PVT1: variants seen among roughly 807,000 people sequenced by gnomAD.
PVT1 encodes CXCR4/PVT1 fusion.
At chr8:127,855,128 C>T (rs1815147168) in intron 2 of PVT1, 2 of 398,594 alleles carry the variant, frequency 5.0e-6, no homozygotes, top group African/African-American at 4.1e-5. Flanking sequence ...CTCTTTCTCC[C>T]ACGTGGCTGC....
At chr8:127,828,158 C>T (rs1339046846) in intron 2 of PVT1, among the ~76,000 whole-genome samples, 1 of 152,178 alleles carries the variant, frequency 6.6e-6, no homozygotes, top group Non-Finnish European at 1.5e-5. Flanking sequence ...TGGCAGGTTA[C>T]ACCTGGGTAC....
At chr8:127,862,233 C>A (rs1191568609) in intron 2 of PVT1, among the ~76,000 whole-genome samples, 1 of 152,086 alleles carries the variant, frequency 6.6e-6, no homozygotes, top group African/African-American at 2.4e-5. Context: ...CATGGTGAAA[C>A]CCCATCTTTA....
chr8:127,883,327 T>C (rs1432246502), intron 2 of PVT1, among the ~76,000 whole-genome samples: 1 of 152,108 alleles, frequency 6.6e-6, no homozygotes, highest in Non-Finnish European at 1.5e-5. Flanking sequence ...GCCCGTCCTA[T>C]ATTGAGGGGG....
chr8:127,856,206 G>C (rs537081348), intron 2 of PVT1, among the ~76,000 whole-genome samples: 39 of 152,252 alleles, frequency 2.6e-4, no homozygotes, highest in African/African-American at 9.4e-4. Flanking sequence ...GGAGAGCTTT[G>C]ATGGGGCATG....
At chr8:127,818,811 G>C (rs115408291) in intron 2 of PVT1, among the ~76,000 whole-genome samples, 1 of 152,122 alleles carries the variant, frequency 6.6e-6, no homozygotes, top group South Asian at 2.1e-4. Flanking sequence ...GTAGAATGAC[G>C]TGCATGTAGA....
At chr8:127,982,239 C>A (rs1056295784) in intron 3 of PVT1, among the ~76,000 whole-genome samples, 5 of 152,144 alleles carry the variant, frequency 3.3e-5, no homozygotes, top group African/African-American at 1.2e-4. Flanking sequence ...GCTTTCCTAC[C>A]TTGTTTTAAC....
chr8:127,849,887 GCC>G (rs1333675379), intron 2 of PVT1, among the ~76,000 whole-genome samples: 7 of 140,922 alleles, frequency 5.0e-5, no homozygotes, highest in Admixed American at 7.1e-5. Context: ...TGGGTGCACA[GCC>G]TGTACATATG....
chr8:127,930,311 C>T (rs989065785), intron 3 of PVT1, among the ~76,000 whole-genome samples: 2 of 152,146 alleles, frequency 1.3e-5, no homozygotes, highest in Non-Finnish European at 1.5e-5. Flanking sequence ...CATGCGCCAC[C>T]AGGTCTGGCT....
intron 2 of PVT1, among the ~76,000 whole-genome samples, chr8:127,889,490 T>G (rs1815573408): frequency 1.3e-5 from 2 of 151,656 alleles, no homozygotes; most frequent in African/African-American, 4.9e-5. Flanking sequence ...CTTGTGGAAG[T>G]TGCTTCACTT....
At chr8:128,081,510 T>C (rs971434165) in intron 5 of PVT1, among the ~76,000 whole-genome samples, 10 of 152,238 alleles carry the variant, frequency 6.6e-5, no homozygotes, top group Non-Finnish European at 1.0e-4. Flanking sequence ...TTCGTTACAA[T>C]GTCACTAACA....
At chr8:127,976,544 T>C (rs1375671131) in intron 3 of PVT1, among the ~76,000 whole-genome samples, 5 of 152,138 alleles carry the variant, frequency 3.3e-5, no homozygotes, top group African/African-American at 1.2e-4. Context: ...CAGGAGGCTC[T>C]CTTGACCCCC....
chr8:127,917,555 T>C (rs1412099726), intron 3 of PVT1, among the ~76,000 whole-genome samples: 3 of 152,212 alleles, frequency 2.0e-5, no homozygotes, highest in African/African-American at 7.2e-5. Flanking sequence ...TAATCTATGA[T>C]GTGGAGTTCT....
Position 128,036,556 on chromosome 8 carries a change from G to C in PVT1, n.913-33604G>C, listed in dbSNP as rs1012543056. On this transcript the variant is annotated intron_variant and non_coding_transcript_variant, in intron 4 of 10. Coordinates refer to ENST00000651587, the Ensembl canonical transcript of PVT1. ...TGCCCGAGACCCAGCGCTTCTGGGGGGCTGGGCACTGTGCTGGGCCCTCAG... is the reference window on the plus strand; with the variant it reads ...TGCCCGAGACCCAGCGCTTCTGGGGCGCTGGGCACTGTGCTGGGCCCTCAG... Among the ~76,000 whole-genome samples, 3 of 151,864 alleles carry C rather than the reference G, an allele frequency of 2.0e-5. No individual in the cohort carries two copies. The East Asian group carries it at 5.9e-4, about 30-fold the overall frequency.
chr8:127,861,268 A>T (rs919576594), intron 2 of PVT1, among the ~76,000 whole-genome samples: 1 of 152,058 alleles, frequency 6.6e-6, no homozygotes, highest in Non-Finnish European at 1.5e-5. Context: ...CTTGTTTCTG[A>T]TGGGAGCCAC....
At chr8:128,076,227 G>GC (rs1814088310) in intron 5 of PVT1, among the ~76,000 whole-genome samples, 1 of 152,140 alleles carries the variant, frequency 6.6e-6, no homozygotes, top group Non-Finnish European at 1.5e-5. Context: ...CTGCACAATG[G>GC]ACCCAGTGAG....
At chr8:128,045,986 A>C (rs556705305) in intron 4 of PVT1, among the ~76,000 whole-genome samples, 23 of 152,302 alleles carry the variant, frequency 1.5e-4, no homozygotes, top group Admixed American at 1.4e-3. Context: ...TCTATTATGC[A>C]GTGGAGTTTG....
chr8:127,797,389 C>T (rs1488907383), intron 2 of PVT1, among the ~76,000 whole-genome samples: 3 of 152,142 alleles, frequency 2.0e-5, no homozygotes, highest in African/African-American at 7.2e-5. Context: ...ATCAGGACCA[C>T]ACCCCCCACC....
intron 3 of PVT1, among the ~76,000 whole-genome samples, chr8:127,910,044 G>T (rs764456943): frequency 2.6e-5 from 4 of 152,062 alleles, no homozygotes; most frequent in Non-Finnish European, 5.9e-5. Context: ...TGTGGGGATT[G>T]GTTGCAAGGT....
chr8:128,024,758 C>CTG (rs1375700120), intron 4 of PVT1, among the ~76,000 whole-genome samples: 1 of 152,254 alleles, frequency 6.6e-6, no homozygotes, highest in Non-Finnish European at 1.5e-5. Context: ...TCCTATGCGC[C>CTG]TGTGCTGTCT....
Sources: gnomAD v4.1 joint callset for allele counts (sites outside exome capture counted in the v4.1 genomes callset) on GRCh38, gnomAD v4.1.1 for gene constraint, MANE v1.5 for transcripts, NCBI Gene and HGNC (gene_info 2026-07-23, HGNC 2026-07-21) for gene names.